Variants in PTGER3 observed in about 807,000 individuals in gnomAD.
The protein encoded by PTGER3 is prostaglandin E2 receptor EP3 subtype.
Under a neutral mutation model 34.7 loss-of-function variants are expected in PTGER3, and 22 were observed. The ratio of observed to expected loss-of-function variants is 0.63; its 90% CI spans 0.45 to 0.91. The LOEUF (loss-of-function observed/expected upper bound fraction) is 0.91. Among genes scored for constraint, PTGER3 ranks in the 40% least tolerant of loss-of-function variants. The pLI, the probability that PTGER3 is intolerant of heterozygous loss-of-function variation, is 0.00. For synonymous variants in PTGER3, 241 were observed against 230.1 expected (o/e 1.05, Z -0.43); for missense variants, 468 against 519.4 (o/e 0.90, Z 0.96).
At chr1:70,961,145 G>T (rs1218398061) in intron 2 of PTGER3, among the ~76,000 whole-genome samples, 1 of 152,176 alleles carries the variant, frequency 6.6e-6, no homozygotes, top group Non-Finnish European at 1.5e-5. Flanking sequence ...GAATCACCTG[G>T]AAGGTTTAAA....
intron 4 of PTGER3, among the ~76,000 whole-genome samples, chr1:70,908,943 T>A (rs887462666): frequency 4.3e-4 from 66 of 152,190 alleles, no homozygotes; most frequent in Admixed American, 3.1e-3. Context: ...GTTGACCAGC[T>A]TAAGAGTATA....
intron 4 of PTGER3, among the ~76,000 whole-genome samples, chr1:70,912,090 G>T (rs754256616): frequency 6.6e-6 from 1 of 152,086 alleles, no homozygotes; most frequent in Non-Finnish European, 1.5e-5. Context: ...GGACCTGCAT[G>T]GCCATGGATC....
intron 4 of PTGER3, among the ~76,000 whole-genome samples, chr1:70,944,046 A>ATAG (rs1650000158): frequency 6.6e-6 from 1 of 152,072 alleles, no homozygotes; most frequent in Admixed American, 6.6e-5. Context: ...AATCAATTAG[A>ATAG]TAGTATAGTT....
intron 2 of PTGER3, among the ~76,000 whole-genome samples, chr1:70,956,056 A>G (rs1242069140): frequency 1.3e-5 from 2 of 152,180 alleles, no homozygotes; most frequent in Non-Finnish European, 2.9e-5. Context: ...CCACCATGAG[A>G]AAGAGTTAAT....
chr1:70,946,296 T>C (rs1650221309), intron 4 of PTGER3, among the ~76,000 whole-genome samples: 1 of 152,098 alleles, frequency 6.6e-6, no homozygotes, highest in East Asian at 1.9e-4. Flanking sequence ...TTTATACTCT[T>C]GGAAAGCTGA....
chr1:70,884,149 A>G, intron 4 of PTGER3: 1 of 324,850 alleles, frequency 3.1e-6, no homozygotes, highest in Non-Finnish European at 6.0e-6. Context: ...TAATTTTACC[A>G]TCCTAAGTAA....
intron 4 of PTGER3, among the ~76,000 whole-genome samples, chr1:70,905,434 A>G (rs2100358981): frequency 6.6e-6 from 1 of 152,244 alleles, no homozygotes; most frequent in East Asian, 1.9e-4. Context: ...AGCCCATGAA[A>G]GCAGCTGGGA....
chr1:70,974,916 T>G (rs534729200), intron 2 of PTGER3, among the ~76,000 whole-genome samples: 171 of 152,290 alleles, frequency 1.1e-3, no homozygotes, highest in South Asian at 2.7e-3. Flanking sequence ...TCAGGGCCTT[T>G]GTACTTGCAC....
chr1:71,011,200 T>C (rs536226125), intron 2 of PTGER3: 1 of 985,380 alleles, frequency 1.0e-6, no homozygotes, highest in East Asian at 1.1e-4. Context: ...AAAAACATTT[T>C]AGTAATAAAT....
At chr1:71,004,517 A>G (rs1157508779) in intron 2 of PTGER3, among the ~76,000 whole-genome samples, 4 of 152,232 alleles carry the variant, frequency 2.6e-5, no homozygotes, top group Non-Finnish European at 5.9e-5. Flanking sequence ...TTTGTTATAC[A>G]GACTAAATAT....
At chr1:70,923,428 T>C (rs1354386377) in intron 4 of PTGER3, among the ~76,000 whole-genome samples, 1 of 152,196 alleles carries the variant, frequency 6.6e-6, no homozygotes, top group East Asian at 1.9e-4. Flanking sequence ...ACAATTTTTG[T>C]CCTGTTTTAA....
chr1:71,037,382 T>C (rs1225042250), intron 1 of PTGER3, among the ~76,000 whole-genome samples: 1 of 152,194 alleles, frequency 6.6e-6, no homozygotes, highest in Non-Finnish European at 1.5e-5. Flanking sequence ...TACAATATAA[T>C]GTGAATAGCA....
chr1:71,042,574 G>A (rs1278760416), intron 1 of PTGER3, among the ~76,000 whole-genome samples: 18 of 151,972 alleles, frequency 1.2e-4, no homozygotes. Flanking sequence ...CTACAATGTG[G>A]ATTCATATGT....
At chr1:70,863,105 C>T (rs1012667465) in intron 4 of PTGER3, among the ~76,000 whole-genome samples, 1 of 151,192 alleles carries the variant, frequency 6.6e-6, no homozygotes, top group Non-Finnish European at 1.5e-5. Flanking sequence ...AGATGATGGG[C>T]CATAACATGA....
Position 70,981,371 on chromosome 1 carries a change from CTTTCTTTCTTTCTTTCTTTCT to C in PTGER3, c.1078-7004_1078-6984del, listed in dbSNP as rs1557708998. On this transcript the variant is annotated intron_variant, in intron 2 of 3. Coordinates refer to ENST00000306666, the MANE Select transcript of PTGER3 (RefSeq NM_198719.2). ...TCTTTCTTTCTTTCTTTCTTTCTTTCTTTCTTTCTTTCTTTCTTTCTTTCCTTCCTTCCTTCCTTCCTTCCT... is the reference window on the plus strand; with the variant it reads ...TCTTTCTTTCTTTCTTTCTTTCTTTCTTCCTTCCTTCCTTCCTTCCTTCCT... Among the ~76,000 whole-genome samples the C allele has an allele frequency of 7.2e-3, 740 of 102,698 alleles. 17 individuals are homozygous for C. Among genetic ancestry groups the C allele is most frequent in the African/African-American group, 0.017 (431 of 25,594 alleles). 67.4% of individuals were successfully genotyped at this position (102,698 alleles called of 152,430 possible).
At chr1:70,906,724 C>T (rs1378719251) in intron 4 of PTGER3, among the ~76,000 whole-genome samples, 2 of 151,936 alleles carry the variant, frequency 1.3e-5, no homozygotes, top group Non-Finnish European at 2.9e-5. Context: ...TTGGTTTTCC[C>T]CATTCTGTTC....
At chr1:70,886,365 G>A (rs1646499683) in intron 4 of PTGER3, 2 of 438,522 alleles carry the variant, frequency 4.6e-6, no homozygotes, top group Non-Finnish European at 9.1e-6. Flanking sequence ...AAGCCACCTA[G>A]TCTGTGGTAT....
At chr1:71,046,297 A>C (rs904193596) in intron 1 of PTGER3, among the ~76,000 whole-genome samples, 21 of 151,344 alleles carry the variant, frequency 1.4e-4, no homozygotes, top group African/African-American at 4.8e-4. Flanking sequence ...AAAAAAAAAA[A>C]AAAAAAAAAC....
At chr1:71,011,096 A>G (rs1168425750) in intron 2 of PTGER3, 1 of 985,672 alleles carries the variant, frequency 1.0e-6, no homozygotes, top group African/African-American at 1.7e-5. Context: ...GACATTTTTA[A>G]GAAGTGCAAT....
Sources: allele counts gnomAD v4.1 joint callset (sites outside exome capture counted in the v4.1 genomes callset), GRCh38; gene constraint gnomAD v4.1.1; transcripts MANE v1.5; gene names NCBI Gene and HGNC (gene_info 2026-07-23, HGNC 2026-07-21).